FAM20B: variants seen among roughly 807,000 people sequenced by gnomAD.
The protein encoded by FAM20B is FAM20B glycosaminoglycan xylosylkinase.
In FAM20B, 23 loss-of-function variants were observed where a neutral mutation model predicts 43.8. The ratio of observed to expected loss-of-function variants is 0.53; its 90% confidence interval spans 0.38 to 0.74. FAM20B has a LOEUF of 0.74. Ranked by LOEUF, FAM20B falls within the 30% of genes least tolerant of loss-of-function variation. The pLI is 0.00. For synonymous variants in FAM20B, 178 were observed against 192.4 expected, an observed-to-expected ratio of 0.93 and a Z score of 0.62; for missense variants, 440 against 510.5, an observed-to-expected ratio of 0.86 and a Z score of 1.33.
chr1:179,031,798 G>T (rs1166722827), intron 1 of FAM20B, among the ~76,000 whole-genome samples: 1 of 152,222 alleles, frequency 6.6e-6, no homozygotes, highest in Non-Finnish European at 1.5e-5. Flanking sequence ...CACATGAAAA[G>T]CTGTCATCTT....
chr1:179,069,391 G>C (rs747635724), intron 7 of FAM20B, among the ~76,000 whole-genome samples: 2 of 152,176 alleles, frequency 1.3e-5, no homozygotes, highest in Non-Finnish European at 2.9e-5. Flanking sequence ...TGTTTTTTGA[G>C]ATGGAGTCTC....
chr1:179,032,313 C>CTTTTTTTTTTT lies in FAM20B; in HGVS notation c.-134+6231_-134+6241dup. ...GCACAACACATGTAGAGGTCTCATT[C>CTTTTTTTTTTT]TTTTTTTTTTTTTTTTTTTTTTTTT... is the stretch of plus-strand genomic sequence containing the variant. On this transcript the variant is annotated intron_variant, in intron 1 of 7. Transcript: ENST00000263733. Among the ~76,000 whole-genome samples, 4 of 111,936 alleles carry CTTTTTTTTTTT rather than the reference C, an allele frequency of 3.6e-5. 2 individuals are homozygous for CTTTTTTTTTTT. Among genetic ancestry groups the CTTTTTTTTTTT allele is most frequent in the African/African-American group, 6.2e-5 (2 of 32,024 alleles). The allele number at this position is 111,936 out of a possible 152,430, so 73.4% of individuals were successfully genotyped here.
chr1:179,033,993 G>GT (rs1338376297), intron 1 of FAM20B, among the ~76,000 whole-genome samples: 1 of 152,068 alleles, frequency 6.6e-6, no homozygotes, highest in Admixed American at 6.6e-5. Context: ...CGCCCAGCCT[G>GT]TTATTTCTTA....
upstream of FAM20B, among the ~76,000 whole-genome samples, chr1:179,023,771 T>C (rs1423362773): frequency 1.3e-5 from 2 of 152,206 alleles, no homozygotes; most frequent in East Asian, 3.8e-4. Context: ...CCCACACTGT[T>C]TTCCTGGACT....
chr1:179,070,565 C>T (rs1651880995), intron 7 of FAM20B, among the ~76,000 whole-genome samples: 1 of 132,578 alleles, frequency 7.5e-6, no homozygotes, highest in South Asian at 2.4e-4. Flanking sequence ...TGCTCTTTTG[C>T]CCAGGCTGGA....
chr1:179,036,656 G>A (rs1045597228), intron 1 of FAM20B, among the ~76,000 whole-genome samples: 1 of 152,180 alleles, frequency 6.6e-6, no homozygotes, highest in Non-Finnish European at 1.5e-5. Flanking sequence ...AGATTATATG[G>A]CATGGAAACC....
intron 4 of FAM20B, among the ~76,000 whole-genome samples, chr1:179,060,581 CTGA>C (rs1272678745): frequency 6.6e-6 from 1 of 152,070 alleles, no homozygotes; most frequent in African/African-American, 2.4e-5. Context: ...AATCTAATAC[CTGA>C]TGATCTGACA....
At chr1:179,048,649 C>T (rs1650880364) in intron 2 of FAM20B, among the ~76,000 whole-genome samples, 1 of 152,150 alleles carries the variant, frequency 6.6e-6, no homozygotes, top group African/African-American at 2.4e-5. Context: ...TCAAATTTGA[C>T]TTTTAATTTA....
chr1:179,030,878 CA>C (rs11321294), intron 1 of FAM20B, among the ~76,000 whole-genome samples: 3,023 of 127,630 alleles, frequency 0.024, 44 homozygotes, highest in African/African-American at 0.062. Context: ...ACAGATGTGC[CA>C]AAAAAAAAAA....
At chr1:179,040,881 T>G (rs1650479410) in intron 1 of FAM20B, among the ~76,000 whole-genome samples, 2 of 137,112 alleles carry the variant, frequency 1.5e-5, no homozygotes, top group African/African-American at 2.8e-5. Flanking sequence ...AGGCAGAGGC[T>G]CTCCTCACTT....
chr1:179,022,475 T>C (rs4652344), upstream of FAM20B, among the ~76,000 whole-genome samples: 118,203 of 152,140 alleles, frequency 0.78, 46,809 homozygotes, highest in African/African-American at 0.93. Flanking sequence ...CGCGCGCGTG[T>C]ATGCATATAT....
At chr1:179,041,103 C>G (rs1197836593) in intron 1 of FAM20B, among the ~76,000 whole-genome samples, 1 of 130,286 alleles carries the variant, frequency 7.7e-6, no homozygotes, top group African/African-American at 3.7e-5. Context: ...GGGATGGCGG[C>G]CGGGAAGAGG....
chr1:179,056,900 A>C (rs1294840235), intron 4 of FAM20B, among the ~76,000 whole-genome samples: 1 of 152,040 alleles, frequency 6.6e-6, no homozygotes, highest in Non-Finnish European at 1.5e-5. Flanking sequence ...ATCTTTACAT[A>C]TGTTTTTCTG....
At position 179,064,041 on chromosome 1, in the gene FAM20B, C is replaced by G; in HGVS notation, c.689C>G (p.Pro230Arg). Residue 230 changes from proline to arginine, a missense_variant, in exon 5 of 8, where the codon CCT becomes CGT. By Grantham distance (103) the Pro-to-Arg change is moderately radical. Transcript: ENST00000263733. ...SVTLWLPDVW[P>R]LQKHRHPWGR... The stretch of plus-strand genomic sequence containing the variant: ...ACACTTTGGCTTCCAGATGTGTGGC[C>G]TCTGCAGAAGCACCGTCACCCATGG... 1.2e-6 allele frequency: 2 copies of G among 1,613,910 alleles called. No individual in the cohort carries two copies. Among genetic ancestry groups the G allele is most frequent in the Non-Finnish European group, 1.7e-6 (2 of 1,179,860 alleles).
intron 7 of FAM20B, 75 bp downstream of exon 7, chr1:179,066,934 C>T: frequency 1.8e-6 from 2 of 1,098,294 alleles, no homozygotes; most frequent in Non-Finnish European, 2.8e-6. Flanking sequence ...CATCCATTTT[C>T]TTGGCCCTCA....
At chr1:179,057,687 T>G (rs756098431) in intron 4 of FAM20B, among the ~76,000 whole-genome samples, 11 of 152,232 alleles carry the variant, frequency 7.2e-5, no homozygotes, top group Non-Finnish European at 1.6e-4. Flanking sequence ...AGTCTTTATT[T>G]ATTCAGTACG....
intron 7 of FAM20B, among the ~76,000 whole-genome samples, chr1:179,067,418 A>G (rs930457136): frequency 1.3e-5 from 2 of 152,210 alleles, no homozygotes; most frequent in East Asian, 3.9e-4. Context: ...CAGCCTGGCC[A>G]ACATGGCGAA....
chr1:179,024,479 C>T (rs1302333781), upstream of FAM20B, among the ~76,000 whole-genome samples: 1 of 152,234 alleles, frequency 6.6e-6, no homozygotes, highest in Non-Finnish European at 1.5e-5. Flanking sequence ...TAGCTAACTG[C>T]AGGCAGACTG....
chr1:179,040,262 G>A (rs1273761852), intron 1 of FAM20B, among the ~76,000 whole-genome samples: 5 of 152,162 alleles, frequency 3.3e-5, no homozygotes, highest in Admixed American at 6.5e-5. Context: ...CCTCCCAGAC[G>A]GGGTGGTGGC....
Sources: gnomAD v4.1 joint callset for allele counts (sites outside exome capture counted in the v4.1 genomes callset) on GRCh38, gnomAD v4.1.1 for gene constraint, MANE v1.5 for transcripts, NCBI Gene and HGNC (gene_info 2026-07-23, HGNC 2026-07-21) for gene names.